Variants in SPO11 observed in about 807,000 individuals in gnomAD.
The protein encoded by SPO11 is SPO11 initiator of meiotic double strand breaks, also known as meiotic recombination protein SPO11.
SPO11 carries 49 observed loss-of-function variants against 51.6 expected under a neutral mutation model. That is an observed-to-expected ratio of 0.95 (90% CI 0.75 to 1.20). The LOEUF (loss-of-function observed/expected upper bound fraction) is 1.20. Ranked by LOEUF, SPO11 falls within the 50% of genes most tolerant of loss-of-function variation. The pLI is 0.00. For synonymous variants in SPO11, 176 were observed against 158.2 expected, an observed-to-expected ratio of 1.11 and a Z score of -0.84; for missense variants, 431 against 473.4, an observed-to-expected ratio of 0.91 and a Z score of 0.83.
At chr20:57,336,264 A>G (rs774857482) in intron 8 of SPO11, among the ~76,000 whole-genome samples, 9 of 152,244 alleles carry the variant, frequency 5.9e-5, no homozygotes, top group Non-Finnish European at 1.3e-4. Flanking sequence ...CTATCAGTGC[A>G]GACACTGCAA....
Position 57,334,039 on chromosome 20 carries a change from A to C in SPO11, c.454A>C (p.Asn152His), listed in dbSNP as rs148234267. ...CTTTGGTAACCAGACTGTCGTCGAC[A>C]ATATTATCAATGACATTTCTTGCAT... ...QLFGNQTVVD[N>H]IINDISCMLK... The change falls in exon 5 of 13, where the codon AAT (asparagine) becomes CAT (histidine). Residue 152 changes from asparagine (N) to histidine (H), a missense_variant. Coordinates refer to ENST00000371263, the MANE Select transcript of SPO11 (RefSeq NM_012444.3). The C allele has an allele frequency of 6.0e-4, 952 of 1,592,326 alleles. 8 individuals carry two copies. In the African/African-American group the frequency reaches 0.011, roughly 18 times the overall value.
At chr20:57,333,041 T>C (rs2066467949) in intron 2 of SPO11, 147 bp from the exon 3 acceptor site, 1 of 587,886 alleles carries the variant, frequency 1.7e-6, no homozygotes, top group Non-Finnish European at 3.0e-6. Flanking sequence ...ATCTATGCTC[T>C]CAAACCAGTT....
intron 4 of SPO11, 26 bp downstream of exon 4, chr20:57,333,779 C>T: frequency 7.8e-7 from 1 of 1,286,394 alleles, no homozygotes; most frequent in Non-Finnish European, 1.1e-6. Flanking sequence ...TAGTAAATTA[C>T]TCTTCAAAAT....
At chr20:57,342,899 G>A (rs1349354997) in intron 12 of SPO11, 59 bp downstream of exon 12, 28 of 1,150,566 alleles carry the variant, frequency 2.4e-5, no homozygotes, top group Non-Finnish European at 3.6e-5. Flanking sequence ...CTTTAGTAGT[G>A]GCTATTCACA....
rs761105888 is a variant in SPO11 at position 57,333,761 on chromosome 20, T to C, written c.401+8T>C. On this transcript the variant is annotated splice_region_variant and intron_variant, in intron 4 of 12. Coordinates refer to ENST00000371263, the MANE Select transcript of SPO11 (RefSeq NM_012444.3). Reference sequence around the variant, plus strand: ...CACTTATGCAACCAAAAGGTAAATATATTGTTCTAGTAAATTACTCTTCAA... The same window carrying C: ...CACTTATGCAACCAAAAGGTAAATACATTGTTCTAGTAAATTACTCTTCAA... 1.8e-5 allele frequency: 25 copies of C among 1,384,282 alleles called. No homozygotes were observed. The African/African-American group carries it at 2.9e-4, about 16-fold the overall frequency. 85.7% of individuals were successfully genotyped at this position (1,384,282 alleles called of 1,614,324 possible).
Position 57,329,906 on chromosome 20 carries a change from C to T in SPO11, c.39C>T (p.Phe13=), listed in dbSNP as rs2066422217. The T allele has an allele frequency of 2.5e-6, 4 of 1,613,748 alleles. No homozygotes were observed. The highest frequency in any genetic ancestry group is 2.5e-6 in the Non-Finnish European group (3 of 1,179,914). ...FAPMGPEASF[F]DVLDRHRESL... ...CTATGGGGCCCGAGGCCTCGTTCTT[C>T]GACGTTTTGGACCGACACAGGGAGT... Residue 13 remains phenylalanine (F), a synonymous_variant, in exon 1 of 13, where the codon TTC becomes TTT. Transcript: ENST00000371263.
intron 1 of SPO11, 54 bp downstream of exon 1, chr20:57,330,052 G>A (rs28368064): frequency 0.022 from 32,707 of 1,506,254 alleles, 438 homozygotes; most frequent in Non-Finnish European, 0.024. Flanking sequence ...AAAGTCGGGC[G>A]CTCTTCCTGG....
intron 7 of SPO11, 98 bp from the exon 8 acceptor site, chr20:57,335,700 T>G: frequency 1.3e-6 from 1 of 765,476 alleles, no homozygotes; most frequent in South Asian, 1.8e-5. Flanking sequence ...AAATGTTGTA[T>G]CTATAGCTGC....
intron 8 of SPO11, among the ~76,000 whole-genome samples, chr20:57,336,281 C>T (rs993513731): frequency 1.3e-5 from 2 of 152,180 alleles, no homozygotes; most frequent in African/African-American, 2.4e-5. Flanking sequence ...GCAATGAGGT[C>T]CACACGTCAG....
Position 57,333,729 on chromosome 20 carries a change from A to G in SPO11, c.377A>G (p.Gln126Arg). 4 of 1,511,374 alleles carry G rather than the reference A, an allele frequency of 2.6e-6. No homozygotes were observed. Among genetic ancestry groups the G allele is most frequent in the Non-Finnish European group, 3.7e-6 (4 of 1,093,398 alleles). 93.6% of individuals were successfully genotyped at this position (1,511,374 alleles called of 1,614,324 possible). A position where few individuals can be genotyped will look rare whatever the true frequency, so the allele number is the denominator to read the frequency against. Reference sequence around the variant, plus strand: ...TTGTCCATGATTTATAAATTAGTACAGAGCAACACTTATGCAACCAAAAGG... The same window carrying G: ...TTGTCCATGATTTATAAATTAGTACGGAGCAACACTTATGCAACCAAAAGG... The part of the protein sequence containing the change: ...KILSMIYKLV[Q>R]SNTYATKRDI... Residue 126 changes from glutamine (Q) to arginine (R), a missense_variant, in exon 4 of 13, where the codon CAG (glutamine) becomes CGG (arginine). Around this residue, in one of 3 missense-constraint regions of SPO11, gnomAD observed 405 missense variants for 425.9 expected, o/e 0.95. Transcript: ENST00000371263.
chr20:57,335,082 A>G (rs1229708489), intron 6 of SPO11, among the ~76,000 whole-genome samples: 1 of 152,242 alleles, frequency 6.6e-6, no homozygotes, highest in Non-Finnish European at 1.5e-5. Context: ...TTATTTTCAG[A>G]TAAAGTGTGG....
At chr20:57,333,425 A>G in intron 3 of SPO11, 149 bp downstream of exon 3, 1 of 656,714 alleles carries the variant, frequency 1.5e-6, no homozygotes, top group Non-Finnish European at 2.6e-6. Flanking sequence ...TTTCATTGTC[A>G]ATAACTATGG....
rs144390880 is a variant in SPO11, at chr20:57,342,729, A to G, written c.960A>G (p.Arg320=). The G allele has an allele frequency of 1.4e-5, 23 of 1,602,712 alleles. No homozygotes were observed. In the African/African-American group the frequency reaches 2.7e-4, roughly 19 times the overall value. Reference sequence around the variant, plus strand: ...ATTTTTTTCACCTACTTTTTTCCAGATTAAATGTACCTAAAGATAGTTTGA... The same window carrying G: ...ATTTTTTTCACCTACTTTTTTCCAGGTTAAATGTACCTAAAGATAGTTTGA... ...WLGLLPSDLK[R]LNVPKDSLIP... Residue 320 remains arginine (R), a splice_region_variant and synonymous_variant, in exon 12 of 13, where the codon AGA becomes AGG. Transcript: ENST00000371263.
chr20:57,332,081 C>T (rs1248574816), intron 2 of SPO11, 135 bp downstream of exon 2: 16 of 498,756 alleles, frequency 3.2e-5, no homozygotes, highest in African/African-American at 9.9e-5. Flanking sequence ...AGGAAGTTTA[C>T]GAAATACATA....
chr20:57,335,859 C>T lies in SPO11; in HGVS notation c.696C>T (p.Leu232=), dbSNP rs1251926409. The T allele has an allele frequency of 1.9e-6, 3 of 1,613,128 alleles. No individual in the cohort carries two copies. The highest frequency in any genetic ancestry group is 1.3e-5 in the African/African-American group (1 of 74,806). ...IVEKDATFQR[L]LDDNFCNKLS... ...AAAAAGATGCAACATTTCAGCGGCT[C>T]CTAGATGACAACTTTTGCAACAAAT... The change falls in exon 8 of 13, where the codon CTC becomes CTT. Residue 232 remains leucine, a synonymous_variant. Transcript: ENST00000371263.
At chr20:57,336,438 C>G (rs974577096) in intron 8 of SPO11, among the ~76,000 whole-genome samples, 1 of 152,144 alleles carries the variant, frequency 6.6e-6, no homozygotes, top group Admixed American at 6.5e-5. Context: ...CCAGACAGGC[C>G]CCTGACTTCA....
intron 8 of SPO11, among the ~76,000 whole-genome samples, chr20:57,337,965 G>T (rs957533985): frequency 6.6e-6 from 1 of 152,098 alleles, no homozygotes; most frequent in Non-Finnish European, 1.5e-5. Flanking sequence ...TCGGCTCATT[G>T]CAACTTCTGC....
chr20:57,338,129 G>A (rs907532850), intron 8 of SPO11, 147 bp from the exon 9 acceptor site: 17 of 606,830 alleles, frequency 2.8e-5, no homozygotes, highest in South Asian at 6.3e-5. Flanking sequence ...TCAGGTGATC[G>A]ATCCCCCTAC....
chr20:57,337,581 C>A (rs1004696677), intron 8 of SPO11, among the ~76,000 whole-genome samples: 1 of 152,126 alleles, frequency 6.6e-6, no homozygotes, highest in Non-Finnish European at 1.5e-5. Flanking sequence ...TATTAGTTTG[C>A]GCCATTTTAA....
Sources: allele counts gnomAD v4.1 joint callset (sites outside exome capture counted in the v4.1 genomes callset), GRCh38; gene constraint gnomAD v4.1.1; regional missense constraint gnomAD v4.1.1; transcripts MANE v1.5; gene names NCBI Gene and HGNC (gene_info 2026-07-23, HGNC 2026-07-21).